The following TMED3 variants were observed in gnomAD, a reference collection of about 807,000 sequenced individuals.
The protein encoded by TMED3 is transmembrane emp24 domain-containing protein 3.
A neutral mutation model predicts 15.0 loss-of-function variants in TMED3; 9 were observed. The observed-to-expected ratio is 0.60, with a 90% CI of 0.36 to 1.04. The LOEUF is 1.04. Ranked by LOEUF, TMED3 falls within the 50% of genes least tolerant of loss-of-function variation. The pLI is 0.01. For synonymous variants in TMED3, 117 were observed against 121.4 expected, an observed-to-expected ratio of 0.96 and a Z score of 0.24; for missense variants, 267 against 278.9, an observed-to-expected ratio of 0.96 and a Z score of 0.30.
intron 2 of TMED3, among the ~76,000 whole-genome samples, chr15:79,372,493 G>T (rs1455446464): frequency 6.6e-6 from 1 of 152,156 alleles, no homozygotes; most frequent in Admixed American, 6.6e-5. Flanking sequence ...AGGTTTAATT[G>T]ACTCACAGTT....
chr15:79,406,107 G>T (rs1306350118), intron 2 of TMED3, among the ~76,000 whole-genome samples: 2 of 152,102 alleles, frequency 1.3e-5, no homozygotes, highest in African/African-American at 4.8e-5. Flanking sequence ...AAGCCATGTA[G>T]ATGAATTGAA....
intron 2 of TMED3, among the ~76,000 whole-genome samples, chr15:79,316,989 G>C (rs2058743119): frequency 6.6e-6 from 1 of 152,080 alleles, no homozygotes. Flanking sequence ...GTGAGGGTGA[G>C]CATCCAGGTA....
intron 2 of TMED3, among the ~76,000 whole-genome samples, chr15:79,374,375 C>T (rs137966826): frequency 2.0e-5 from 3 of 152,302 alleles, no homozygotes; most frequent in Non-Finnish European, 4.4e-5. Flanking sequence ...TGGATGTCCC[C>T]TCTTCTTATC....
At chr15:79,359,985 G>A (rs1340861525) in intron 2 of TMED3, among the ~76,000 whole-genome samples, 1 of 152,182 alleles carries the variant, frequency 6.6e-6, no homozygotes, top group Non-Finnish European at 1.5e-5. Context: ...TGTCTTGCCT[G>A]TACTTTACTA....
chr15:79,408,948 C>T (rs931697762), intron 2 of TMED3, among the ~76,000 whole-genome samples: 2 of 152,188 alleles, frequency 1.3e-5, no homozygotes, highest in Non-Finnish European at 2.9e-5. Flanking sequence ...TGTCCTAATA[C>T]AACTTAAATT....
intron 2 of TMED3, among the ~76,000 whole-genome samples, chr15:79,354,081 C>T (rs961413362): frequency 1.3e-5 from 2 of 152,138 alleles, no homozygotes; most frequent in South Asian, 2.1e-4. Flanking sequence ...AAGGACTTTG[C>T]ATGAGTAGTT....
chr15:79,359,598 C>G (rs536715355), intron 2 of TMED3, among the ~76,000 whole-genome samples: 2 of 152,020 alleles, frequency 1.3e-5, no homozygotes, highest in Admixed American at 6.6e-5. Flanking sequence ...AGGGCATGAC[C>G]TTTTTAAGGG....
At chr15:79,322,853 G>C (rs1358489060), downstream of TMED3, 1 of 985,356 alleles carries the variant, frequency 1.0e-6, no homozygotes, top group African/African-American at 1.7e-5. Context: ...GGAGACTTGT[G>C]CCTTTATTTC....
downstream of TMED3, among the ~76,000 whole-genome samples, chr15:79,323,744 C>T (rs960585306): frequency 6.6e-6 from 1 of 152,106 alleles, no homozygotes; most frequent in Non-Finnish European, 1.5e-5. Flanking sequence ...ACGTTGTCTT[C>T]CACTTTTTTA....
At chr15:79,361,618 T>TA (rs1408573296) in intron 2 of TMED3, among the ~76,000 whole-genome samples, 1 of 152,088 alleles carries the variant, frequency 6.6e-6, no homozygotes, top group Non-Finnish European at 1.5e-5. Flanking sequence ...AGTGCTCAGG[T>TA]GAGAGGTGCA....
intron 2 of TMED3, among the ~76,000 whole-genome samples, chr15:79,343,903 TG>T (rs1400072326): frequency 6.6e-6 from 1 of 152,148 alleles, no homozygotes; most frequent in Admixed American, 6.5e-5. Context: ...GTTTTGGCCA[TG>T]TTAAGTTGGA....
intron 2 of TMED3, among the ~76,000 whole-genome samples, chr15:79,376,444 G>C (rs1281475134): frequency 2.0e-5 from 3 of 152,146 alleles, no homozygotes; most frequent in Admixed American, 6.5e-5. Flanking sequence ...AACAACCCCA[G>C]TCCCACCCCA....
intron 2 of TMED3, among the ~76,000 whole-genome samples, chr15:79,393,755 G>T (rs1405208307): frequency 6.6e-6 from 1 of 152,138 alleles, no homozygotes; most frequent in Non-Finnish European, 1.5e-5. Flanking sequence ...GAGTGCAGTG[G>T]TGTGATCTCA....
chr15:79,411,581 T>A, exon 3 of TMED3: 1 of 690,560 alleles, frequency 1.4e-6, no homozygotes, highest in Non-Finnish European at 2.6e-6. Context: ...AGGAAGCTGC[T>A]GCACAGAGCT....
At chr15:79,353,247 T>G (rs2058902507) in intron 2 of TMED3, among the ~76,000 whole-genome samples, 1 of 40,098 alleles carries the variant, frequency 2.5e-5, no homozygotes, top group Non-Finnish European at 4.2e-5. Context: ...ATATATATAC[T>G]ATATATAATA....
chr15:79,387,536 T>C (rs932072703), intron 2 of TMED3, among the ~76,000 whole-genome samples: 1 of 152,140 alleles, frequency 6.6e-6, no homozygotes, highest in African/African-American at 2.4e-5. Context: ...GCTGTTTGCA[T>C]TTCCGTGAAA....
chr15:79,403,201 T>G (rs1893857715), intron 2 of TMED3, among the ~76,000 whole-genome samples: 1 of 116,726 alleles, frequency 8.6e-6, no homozygotes, highest in Admixed American at 1.2e-4. Flanking sequence ...CCAGCCTGGG[T>G]GACAGCGGGA....
At chr15:79,344,866 G>C (rs1010885823) in intron 2 of TMED3, among the ~76,000 whole-genome samples, 5 of 152,206 alleles carry the variant, frequency 3.3e-5, no homozygotes, top group Admixed American at 2.0e-4. Context: ...GGGAGACAAT[G>C]TTTTATAGGA....
At chr15:79,353,256 T>TACATA (rs1567030526) in intron 2 of TMED3, among the ~76,000 whole-genome samples, 3 of 64,210 alleles carry the variant, frequency 4.7e-5, no homozygotes, top group African/African-American at 1.4e-4. Flanking sequence ...CTATATATAA[T>TACATA]ATATATTATA....
Sources: allele counts gnomAD v4.1 joint callset (sites outside exome capture counted in the v4.1 genomes callset), GRCh38; gene constraint gnomAD v4.1.1; transcripts MANE v1.5; gene names NCBI Gene and HGNC (gene_info 2026-07-23, HGNC 2026-07-21).